GSE1: variants seen among roughly 807,000 people sequenced by gnomAD.
GSE1 encodes Gse1 coiled-coil protein.
A neutral mutation model predicts 112.6 loss-of-function variants in GSE1; 32 were observed. The ratio of observed to expected loss-of-function variants is 0.28; its 90% CI spans 0.21 to 0.38. The LOEUF is 0.38. Ranked by LOEUF, GSE1 falls within the 10% of genes least tolerant of loss-of-function variation. The probability of loss-of-function intolerance (pLI) is 1.00; values close to 1 mark genes in which losing one functional copy is unlikely to be tolerated. For synonymous variants in GSE1, 1,115 were observed against 735.6 expected, an observed-to-expected ratio of 1.52 and a Z score of -8.35; for missense variants, 2,348 against 1,699.2, an observed-to-expected ratio of 1.38 and a Z score of -6.71.
chr16:85,211,870 TC>T (rs1273038235), intron 1 of GSE1, among the ~76,000 whole-genome samples: 1 of 152,246 alleles, frequency 6.6e-6, no homozygotes, highest in Non-Finnish European at 1.5e-5. Flanking sequence ...AGCAGGGCTC[TC>T]TTCCTGAAGT....
At chr16:85,568,228 T>C (rs2045840624) in intron 1 of GSE1, among the ~76,000 whole-genome samples, 1 of 152,226 alleles carries the variant, frequency 6.6e-6, no homozygotes, top group Non-Finnish European at 1.5e-5. Flanking sequence ...AGGGTCTGCT[T>C]CTGGAGTTTC....
At chr16:85,459,756 C>T (rs770546359) in intron 2 of GSE1, among the ~76,000 whole-genome samples, 23 of 152,354 alleles carry the variant, frequency 1.5e-4, no homozygotes, top group South Asian at 1.2e-3. Flanking sequence ...GGGCAAGTCA[C>T]TGTTAAGACT....
intron 2 of GSE1, among the ~76,000 whole-genome samples, chr16:85,545,382 T>G (rs2044660881): frequency 6.6e-6 from 1 of 152,256 alleles, no homozygotes; most frequent in South Asian, 2.1e-4. Flanking sequence ...CAGTTCTGCA[T>G]GTAGACTGCA....
At chr16:85,555,401 G>T, upstream of GSE1, 1 of 984,000 alleles carries the variant, frequency 1.0e-6, no homozygotes, top group Non-Finnish European at 1.2e-6. Flanking sequence ...AAAAGGGGGG[G>T]GAGGGGTGTT....
intron 2 of GSE1, among the ~76,000 whole-genome samples, chr16:85,416,698 G>A (rs1387007311): frequency 1.3e-5 from 2 of 152,246 alleles, no homozygotes; most frequent in Non-Finnish European, 2.9e-5. Context: ...GAACCCAAGA[G>A]TCCCTGGCAA....
intron 2 of GSE1, among the ~76,000 whole-genome samples, chr16:85,361,975 G>T (rs2047091877): frequency 1.3e-5 from 2 of 152,230 alleles, no homozygotes; most frequent in Non-Finnish European, 2.9e-5. Context: ...GGCTGGCCAG[G>T]CTCTCACCAT....
chr16:85,572,165 G>A (rs200507101), intron 1 of GSE1, among the ~76,000 whole-genome samples: 4 of 114,990 alleles, frequency 3.5e-5, no homozygotes, highest in East Asian at 5.5e-4. Context: ...CACACACACT[G>A]AATACTACAC....
chr16:85,253,454 C>G (rs1211089948), intron 1 of GSE1, among the ~76,000 whole-genome samples: 1 of 152,212 alleles, frequency 6.6e-6, no homozygotes, highest in African/African-American at 2.4e-5. Context: ...GCTGCTGCAG[C>G]CACCTCTGCT....
At chr16:85,533,684 A>AG (rs1402270598) in intron 2 of GSE1, among the ~76,000 whole-genome samples, 1 of 151,974 alleles carries the variant, frequency 6.6e-6, no homozygotes, top group Non-Finnish European at 1.5e-5. Context: ...GGCAACATAG[A>AG]GGGACCCCAT....
At chr16:85,624,882 GCT>G (rs770565270) in intron 1 of GSE1, among the ~76,000 whole-genome samples, 18 of 152,166 alleles carry the variant, frequency 1.2e-4, no homozygotes, top group Middle Eastern at 3.2e-3. Flanking sequence ...TGAGCCCCCG[GCT>G]CTGTCTCAGC....
chr16:85,362,288 A>G (rs916811935), intron 2 of GSE1, among the ~76,000 whole-genome samples: 10 of 152,210 alleles, frequency 6.6e-5, no homozygotes, highest in African/African-American at 2.4e-4. Flanking sequence ...ATGAAGACCC[A>G]TTTCTCATGT....
At chr16:85,628,651 G>T (rs1313576946) in intron 1 of GSE1, among the ~76,000 whole-genome samples, 1 of 152,330 alleles carries the variant, frequency 6.6e-6, no homozygotes, top group African/African-American at 2.4e-5. Flanking sequence ...CCACGCTTTT[G>T]TTGGCGGTGC....
Position 85,656,056 on chromosome 16 carries a change from A to G in GSE1, c.989+139A>G, listed in dbSNP as rs2151930503. 4.2e-6 allele frequency: 3 copies of G among 717,442 alleles called. 1 individual carries two copies. The South Asian group carries it at 5.6e-5, about 13-fold the overall frequency. The allele number at this position is 717,442 out of a possible 1,614,324, so 44.4% of individuals were successfully genotyped here. A position where few individuals can be genotyped will look rare whatever the true frequency, so the allele number is the denominator to read the frequency against. ...AGTTTGTCCACCTGCCAAATGGGAC[A>G]ATGATCGTTCAGGCTCTGCTCTGAA... On this transcript the variant is annotated intron_variant, in intron 6 of 15. Coordinates refer to ENST00000253458, the MANE Select transcript of GSE1 (RefSeq NM_014615.5).
intron 2 of GSE1, among the ~76,000 whole-genome samples, chr16:85,519,275 T>C (rs1463082522): frequency 7.8e-6 from 1 of 128,654 alleles, no homozygotes; most frequent in South Asian, 2.9e-4. Context: ...ACTATCATCA[T>C]CACCATCACC....
intron 1 of GSE1, among the ~76,000 whole-genome samples, chr16:85,192,894 G>T (rs1230826517): frequency 6.6e-6 from 1 of 152,124 alleles, no homozygotes; most frequent in East Asian, 1.9e-4. Context: ...TTGTGTAAAT[G>T]CCCTCGCAAA....
intron 1 of GSE1, among the ~76,000 whole-genome samples, chr16:85,266,427 C>G (rs1429042647): frequency 6.6e-6 from 1 of 152,174 alleles, no homozygotes; most frequent in Admixed American, 6.5e-5. Flanking sequence ...ACAGGGATGG[C>G]ACCGTCTGCC....
chr16:85,442,265 G>A (rs1385293023), intron 2 of GSE1, among the ~76,000 whole-genome samples: 2 of 152,100 alleles, frequency 1.3e-5, no homozygotes, highest in African/African-American at 4.8e-5. Context: ...CTTTGTTTCT[G>A]TTATGGGGCC....
chr16:85,656,319 C>A, intron 6 of GSE1, 24 bp from the exon 7 acceptor site: 1 of 1,609,530 alleles, frequency 6.2e-7, no homozygotes, highest in Non-Finnish European at 8.5e-7. Flanking sequence ...CAGCAGAGCC[C>A]CCAACTCTTT....
chr16:85,418,736 G>T lies in GSE1; in HGVS notation c.2464+61093G>T, dbSNP rs550287460. On this transcript the variant is annotated intron_variant, in intron 2 of 2. Coordinates refer to the GSE1 transcript ENST00000637419. The stretch of plus-strand genomic sequence containing the variant: ...CCACTATATGAGGAATAGAAAAAGG[G>T]GGACAAGCCGGCAAGCAGGGAGCCA... Among the ~76,000 whole-genome samples, 7 of 152,314 alleles carry T rather than the reference G, an allele frequency of 4.6e-5. No homozygotes were observed. In the South Asian group the frequency reaches 6.2e-4, roughly 14 times the overall value.
Sources: gnomAD v4.1 joint callset for allele counts (sites outside exome capture counted in the v4.1 genomes callset) on GRCh38, gnomAD v4.1.1 for gene constraint, MANE v1.5 for transcripts, NCBI Gene and HGNC (gene_info 2026-07-23, HGNC 2026-07-21) for gene names.